The following HECW2 variants were observed in gnomAD, a reference collection of about 807,000 sequenced individuals.
HECW2 encodes E3 ubiquitin-protein ligase HECW2.
A neutral mutation model predicts 175.2 loss-of-function variants in HECW2; 61 were observed. That is an observed-to-expected ratio of 0.35 (90% CI 0.28 to 0.43). The LOEUF (loss-of-function observed/expected upper bound fraction) is 0.43, where lower values mean the gene tolerates loss of function less well. HECW2 is among the 20% of genes least tolerant of loss of function. The pLI is 1.00. For missense variants in HECW2, 1,524 were observed against 2,000.5 expected, an observed-to-expected ratio of 0.76 and a Z score of 4.54; for synonymous variants, 671 against 731.0, an observed-to-expected ratio of 0.92 and a Z score of 1.32.
intron 1 of HECW2, among the ~76,000 whole-genome samples, chr2:196,522,070 A>G (rs1409646922): frequency 6.6e-6 from 1 of 152,200 alleles, no homozygotes; most frequent in East Asian, 1.9e-4. Context: ...TGACTTCCAC[A>G]ATGGTTGAAC....
intron 1 of HECW2, among the ~76,000 whole-genome samples, chr2:196,567,540 T>A (rs1160471439): frequency 2.0e-5 from 3 of 152,216 alleles, no homozygotes; most frequent in Non-Finnish European, 4.4e-5. Flanking sequence ...CTGCCAAACC[T>A]GTCACCTGAG....
chr2:196,328,590 A>T (rs914234853), intron 5 of HECW2, among the ~76,000 whole-genome samples: 9 of 151,896 alleles, frequency 5.9e-5, no homozygotes, highest in African/African-American at 2.2e-4. Flanking sequence ...TTTAACGCTC[A>T]CTCTCACAAC....
At chr2:196,307,107 A>G (rs1173712866) in intron 12 of HECW2, 23 bp downstream of exon 12, 19 of 1,533,572 alleles carry the variant, frequency 1.2e-5, no homozygotes, top group Non-Finnish European at 1.6e-5. Flanking sequence ...TGAAATTACA[A>G]AAACAAAGCC....
At chr2:196,270,947 G>T (rs908013710) in intron 17 of HECW2, among the ~76,000 whole-genome samples, 1 of 152,142 alleles carries the variant, frequency 6.6e-6, no homozygotes, top group African/African-American at 2.4e-5. Flanking sequence ...GCCTGCCTCG[G>T]CCTCCCCAAG....
At chr2:196,277,869 A>G (rs1243428009) in intron 15 of HECW2, among the ~76,000 whole-genome samples, 2 of 150,808 alleles carry the variant, frequency 1.3e-5, no homozygotes, top group Non-Finnish European at 3.0e-5. Flanking sequence ...TCAGCAAACT[A>G]TCACAAGAAC....
intron 21 of HECW2, among the ~76,000 whole-genome samples, chr2:196,235,648 CTTTTTTTTTT>C (rs757874073): frequency 1.5e-4 from 12 of 78,890 alleles, no homozygotes; most frequent in South Asian, 9.4e-4. Flanking sequence ...ATGCATTATT[CTTTTTTTTTT>C]TTTTTTTTTT....
intron 2 of HECW2, among the ~76,000 whole-genome samples, chr2:196,378,889 C>G (rs1056932398): frequency 6.6e-6 from 1 of 152,170 alleles, no homozygotes; most frequent in African/African-American, 2.4e-5. Context: ...ATCTTAGCAT[C>G]ACGAAGAATG....
chr2:196,451,463 G>A (rs928939559), intron 1 of HECW2, among the ~76,000 whole-genome samples: 7 of 151,122 alleles, frequency 4.6e-5, no homozygotes, highest in Non-Finnish European at 7.4e-5. Context: ...AAGAAATGTG[G>A]GGTAAAGTTT....
At chr2:196,406,869 A>G (rs575237707) in intron 2 of HECW2, among the ~76,000 whole-genome samples, 1 of 152,268 alleles carries the variant, frequency 6.6e-6, no homozygotes, top group South Asian at 2.1e-4. Context: ...TCCCAATCTA[A>G]AGTCTGCCCA....
rs61752162 is a variant in HECW2, at chr2:196,318,608, C to G, written c.2282G>C (p.Gly761Ala). ...CCCTTCACAGGTGCCTTGGGCCTCC[C>G]CAGCACTGCCTTCTTCTTGCGGTGG... ...ESPPQEEGSAGEAQGTCEGAT... is the reference protein window; with the variant it reads ...ESPPQEEGSAAEAQGTCEGAT... Residue 761 changes from glycine (G) to alanine (A), a missense_variant, in exon 9 of 29, where the codon GGG becomes GCG. Physicochemically the swap from Gly to Ala is moderately conservative, Grantham distance 60. This residue lies in a region of HECW2 where 604 missense variants were observed against 588.3 expected (regional missense o/e 1.03). Transcript: ENST00000644978. The G allele has an allele frequency of 6.4e-7, 1 of 1,572,698 alleles. No homozygotes were observed. Among genetic ancestry groups the G allele is most frequent in the African/African-American group, 1.4e-5 (1 of 73,784 alleles).
chr2:196,388,677 T>C (rs1313963217), intron 2 of HECW2, among the ~76,000 whole-genome samples: 1 of 152,242 alleles, frequency 6.6e-6, no homozygotes, highest in Admixed American at 6.5e-5. Flanking sequence ...CTTTTTCCTT[T>C]TTCCTTAATG....
chr2:196,536,404 T>A (rs1689024730), intron 1 of HECW2, among the ~76,000 whole-genome samples: 1 of 152,118 alleles, frequency 6.6e-6, no homozygotes, highest in Non-Finnish European at 1.5e-5. Flanking sequence ...GCTGGAAAGA[T>A]CAGAAATGTC....
chr2:196,453,685 T>A (rs757513049), intron 1 of HECW2, among the ~76,000 whole-genome samples: 1 of 152,212 alleles, frequency 6.6e-6, no homozygotes, highest in African/African-American at 2.4e-5. Flanking sequence ...TTATAAATTA[T>A]ATTACCTAAA....
chr2:196,420,971 T>C (rs983781345), intron 2 of HECW2, among the ~76,000 whole-genome samples: 4 of 152,168 alleles, frequency 2.6e-5, no homozygotes, highest in African/African-American at 9.7e-5. Context: ...CTAAGATTCT[T>C]GTACAGTTTG....
At chr2:196,550,758 G>C (rs1270161699) in intron 1 of HECW2, among the ~76,000 whole-genome samples, 1 of 152,126 alleles carries the variant, frequency 6.6e-6, no homozygotes, top group Non-Finnish European at 1.5e-5. Context: ...ATGGCAAAAT[G>C]GAATTCTATT....
chr2:196,579,535 A>G (rs1329288521), intron 1 of HECW2, among the ~76,000 whole-genome samples: 1 of 152,184 alleles, frequency 6.6e-6, no homozygotes, highest in Non-Finnish European at 1.5e-5. Flanking sequence ...CTGTATAATC[A>G]GAGATAAAAA....
chr2:196,226,142 C>T (rs193204067), intron 22 of HECW2, among the ~76,000 whole-genome samples: 28 of 152,176 alleles, frequency 1.8e-4, no homozygotes, highest in Non-Finnish European at 1.5e-5. Context: ...ATCATGGAGG[C>T]TGATCCCTTA....
At chr2:196,243,273 T>C (rs1431481860) in intron 19 of HECW2, among the ~76,000 whole-genome samples, 1 of 151,598 alleles carries the variant, frequency 6.6e-6, no homozygotes, top group African/African-American at 2.4e-5. Context: ...GTTCAAGTGA[T>C]TGTCCTGCCT....
At chr2:196,368,439 T>C (rs1385318310) in intron 2 of HECW2, among the ~76,000 whole-genome samples, 1 of 152,238 alleles carries the variant, frequency 6.6e-6, no homozygotes, top group Non-Finnish European at 1.5e-5. Flanking sequence ...GTTCCATTAT[T>C]AAATGTCTTG....
Sources: allele counts gnomAD v4.1 joint callset (sites outside exome capture counted in the v4.1 genomes callset), GRCh38; gene constraint gnomAD v4.1.1; regional missense constraint gnomAD v4.1.1; transcripts MANE v1.5; gene names NCBI Gene and HGNC (gene_info 2026-07-23, HGNC 2026-07-21).